Variants in MIPOL1 observed in about 807,000 individuals in gnomAD.
MIPOL1 encodes the protein mirror-image polydactyly 1.
MIPOL1 carries 57 observed loss-of-function variants against 60.9 expected under a neutral mutation model. That is an observed-to-expected ratio of 0.94 (90% CI 0.76 to 1.17). The LOEUF (loss-of-function observed/expected upper bound fraction) is 1.17, where lower values mean the gene tolerates loss of function less well. MIPOL1 is among the 50% of genes most tolerant of loss of function. The probability of loss-of-function intolerance (pLI) is 0.00; values close to 1 mark genes in which losing one functional copy is unlikely to be tolerated. For synonymous variants in MIPOL1, 179 were observed against 168.8 expected (o/e 1.06, Z -0.47); for missense variants, 551 against 511.6 (o/e 1.08, Z -0.74).
chr14:37,229,038 T>A (rs940973063), intron 1 of MIPOL1, among the ~76,000 whole-genome samples: 1 of 140,780 alleles, frequency 7.1e-6, no homozygotes, highest in African/African-American at 2.5e-5. Context: ...TCATCAAACA[T>A]CTTTACTGTA....
chr14:37,299,122 A>T (rs1013231899), intron 7 of MIPOL1, among the ~76,000 whole-genome samples: 3 of 152,212 alleles, frequency 2.0e-5, no homozygotes, highest in Admixed American at 6.5e-5. Context: ...CAGCCATAAA[A>T]AATGATGAGT....
intron 11 of MIPOL1, among the ~76,000 whole-genome samples, chr14:37,447,245 C>T (rs2094351340): frequency 2.0e-5 from 3 of 151,904 alleles, no homozygotes; most frequent in Non-Finnish European, 1.5e-5. Flanking sequence ...AACATTAACC[C>T]TAACCTCACA....
At chr14:37,247,299 A>G (rs1227224901) in intron 2 of MIPOL1, 59 bp downstream of exon 2, 1 of 152,492 alleles carries the variant, frequency 6.6e-6, no homozygotes, top group Non-Finnish European at 1.5e-5. Context: ...GTGTTTTATC[A>G]TGTTTACTAC....
chr14:37,364,387 T>A (rs746502336), intron 9 of MIPOL1, among the ~76,000 whole-genome samples: 1 of 152,230 alleles, frequency 6.6e-6, no homozygotes, highest in Non-Finnish European at 1.5e-5. Flanking sequence ...TTCATCCATT[T>A]TGATTTGATT....
In MIPOL1 at chr14:37,285,421, C is replaced by T. The variant is rs749670408; in HGVS notation, c.597C>T (p.Ala199=). 6.2e-7 allele frequency: 1 copy of T among 1,613,784 alleles called. No homozygotes were observed. The highest frequency in any genetic ancestry group is 8.5e-7 in the Non-Finnish European group (1 of 1,179,908). ...AGAGAGATGAAGCAATTGCACGAGC[C>T]AAGCATATGGAAATGTCTCTAAAAG... is the stretch of plus-strand genomic sequence containing the variant. The part of the protein sequence containing the change: ...IEERDEAIAR[A]KHMEMSLKVL... Residue 199 remains alanine, a synonymous_variant, in exon 7 of 13, where the codon GCC becomes GCT. Transcript: ENST00000684589.
At chr14:37,358,209 T>C (rs942626677) in intron 9 of MIPOL1, among the ~76,000 whole-genome samples, 2 of 152,214 alleles carry the variant, frequency 1.3e-5, no homozygotes, top group African/African-American at 4.8e-5. Flanking sequence ...ATGGTGTATA[T>C]GTGCCACATT....
At chr14:37,498,712 C>T (rs932580986) in intron 11 of MIPOL1, among the ~76,000 whole-genome samples, 6 of 152,132 alleles carry the variant, frequency 3.9e-5, no homozygotes, top group South Asian at 4.2e-4. Context: ...AGTAACAGTC[C>T]GTATTCTTAG....
intron 11 of MIPOL1, among the ~76,000 whole-genome samples, chr14:37,437,318 A>G (rs568333578): frequency 4.6e-5 from 7 of 152,238 alleles, no homozygotes; most frequent in South Asian, 4.1e-4. Flanking sequence ...GTTTTATTCA[A>G]TGTTAATCTG....
chr14:37,343,808 T>C (rs1340314082), intron 9 of MIPOL1, among the ~76,000 whole-genome samples: 1 of 152,184 alleles, frequency 6.6e-6, no homozygotes, highest in Non-Finnish European at 1.5e-5. Context: ...CTAAATTTAT[T>C]TTCTAAAAAT....
At chr14:37,226,300 A>G (rs1969722140) in intron 1 of MIPOL1, among the ~76,000 whole-genome samples, 1 of 152,212 alleles carries the variant, frequency 6.6e-6, no homozygotes, top group African/African-American at 2.4e-5. Flanking sequence ...CTGCTGATAA[A>G]GGCACACCCA....
At chr14:37,532,399 A>G (rs1033345124) in intron 12 of MIPOL1, among the ~76,000 whole-genome samples, 16 of 152,222 alleles carry the variant, frequency 1.1e-4, no homozygotes, top group African/African-American at 3.6e-4. Flanking sequence ...AATCCTTAAT[A>G]CTAACACTTT....
intron 11 of MIPOL1, among the ~76,000 whole-genome samples, chr14:37,478,054 C>A (rs750298460): frequency 6.6e-6 from 1 of 152,308 alleles, no homozygotes; most frequent in Non-Finnish European, 1.5e-5. Flanking sequence ...ATTGGAGAAA[C>A]TGGACAGCAG....
intron 3 of MIPOL1, among the ~76,000 whole-genome samples, chr14:37,257,372 T>A (rs1363378941): frequency 6.6e-6 from 1 of 152,028 alleles, no homozygotes; most frequent in Non-Finnish European, 1.5e-5. Context: ...AGGTCCTTAG[T>A]CAAACAGTTT....
rs115650081 is a variant in MIPOL1 at position 37,413,779 on chromosome 14, A to G, written c.937-9076A>G. ...TGGTTGGAGTGAGGGATTGGGAAAC[A>G]AGGCAGTTCCTAAGACACCTTAGTT... On this transcript the variant is annotated intron_variant, in intron 10 of 12. Transcript: ENST00000684589. Among the ~76,000 whole-genome samples the G allele has an allele frequency of 4.8e-3, 726 of 152,248 alleles. 4 individuals carry two copies. The highest frequency in any genetic ancestry group is 0.015 in the African/African-American group (643 of 41,558).
At chr14:37,486,350 A>G (rs1187767034) in intron 11 of MIPOL1, among the ~76,000 whole-genome samples, 4 of 152,094 alleles carry the variant, frequency 2.6e-5, no homozygotes, top group Non-Finnish European at 5.9e-5. Context: ...AATTTAAAGT[A>G]GGTTTTTTCA....
chr14:37,309,084 G>A (rs1345397609), intron 9 of MIPOL1, among the ~76,000 whole-genome samples: 1 of 150,808 alleles, frequency 6.6e-6, no homozygotes, highest in East Asian at 2.0e-4. Flanking sequence ...ACTGGGCTTG[G>A]AGGCTTGTTT....
intron 10 of MIPOL1, among the ~76,000 whole-genome samples, chr14:37,392,339 A>C (rs2093268779): frequency 6.6e-6 from 1 of 152,196 alleles, no homozygotes; most frequent in Non-Finnish European, 1.5e-5. Context: ...CAATGGTATT[A>C]GTATTATTTT....
intron 12 of MIPOL1, among the ~76,000 whole-genome samples, chr14:37,509,963 T>C (rs1207965994): frequency 6.6e-6 from 1 of 151,150 alleles, no homozygotes; most frequent in South Asian, 2.1e-4. Flanking sequence ...CTGAAAACTA[T>C]ATATATATAT....
intron 7 of MIPOL1, among the ~76,000 whole-genome samples, chr14:37,289,566 T>G (rs1303782614): frequency 6.6e-6 from 1 of 152,194 alleles, no homozygotes. Context: ...TGGATACAGA[T>G]GAAGAGATGC....
Sources: gnomAD v4.1 joint callset for allele counts (sites outside exome capture counted in the v4.1 genomes callset) on GRCh38, gnomAD v4.1.1 for gene constraint, MANE v1.5 for transcripts, NCBI Gene and HGNC (gene_info 2026-07-23, HGNC 2026-07-21) for gene names.